PINX1: variants seen among roughly 807,000 people sequenced by gnomAD.
PINX1 encodes the protein PIN2/TERF1-interacting telomerase inhibitor 1.
Under a neutral mutation model 25.4 loss-of-function variants are expected in PINX1, and 34 were observed. The observed-to-expected ratio is 1.34, with a 90% CI of 1.02 to 1.78. PINX1 has a LOEUF of 1.78. Ranked by LOEUF, PINX1 falls within the 40% of genes most tolerant of loss-of-function variation. PINX1 has a pLI of 0.00. For missense variants in PINX1, 592 were observed against 404.9 expected (o/e 1.46, Z -3.97); for synonymous variants, 197 against 147.7 (o/e 1.33, Z -2.42).
At chr8:10,827,814 G>T (rs1051492704) in intron 4 of PINX1, among the ~76,000 whole-genome samples, 1 of 151,326 alleles carries the variant, frequency 6.6e-6, no homozygotes, top group Non-Finnish European at 1.5e-5. Context: ...AGGAGGCTGA[G>T]GCAGGAGAAT....
At chr8:10,815,721 C>G (rs959166201) in intron 6 of PINX1, among the ~76,000 whole-genome samples, 6 of 152,166 alleles carry the variant, frequency 3.9e-5, no homozygotes, top group African/African-American at 1.4e-4. Flanking sequence ...CAAAACTGGT[C>G]ACGATACCAC....
At chr8:10,836,359 A>G (rs1798407208) in intron 1 of PINX1, among the ~76,000 whole-genome samples, 1 of 152,210 alleles carries the variant, frequency 6.6e-6, no homozygotes, top group African/African-American at 2.4e-5. Flanking sequence ...TCAGCATAAC[A>G]CTGCGTCTGC....
At chr8:10,825,717 A>T (rs1798017265) in intron 5 of PINX1, among the ~76,000 whole-genome samples, 1 of 152,228 alleles carries the variant, frequency 6.6e-6, no homozygotes. Context: ...GCTTTATCAC[A>T]CTGGAGGTAT....
intron 4 of PINX1, among the ~76,000 whole-genome samples, chr8:10,827,603 T>C (rs1033828455): frequency 1.3e-5 from 2 of 151,650 alleles, no homozygotes; most frequent in Non-Finnish European, 2.9e-5. Context: ...AGATATGAGG[T>C]TAGAGAAACT....
At chr8:10,793,224 T>G (rs887447591) in intron 6 of PINX1, among the ~76,000 whole-genome samples, 1 of 152,194 alleles carries the variant, frequency 6.6e-6, no homozygotes, top group Admixed American at 6.5e-5. Context: ...TAAACTATTT[T>G]AACAAGCATA....
intron 6 of PINX1, among the ~76,000 whole-genome samples, chr8:10,801,632 G>T (rs1586169621): frequency 6.6e-6 from 1 of 152,304 alleles, no homozygotes; most frequent in East Asian, 1.9e-4. Flanking sequence ...TTTCCAGTGT[G>T]ATCCAAAGTC....
intron 6 of PINX1, among the ~76,000 whole-genome samples, chr8:10,803,821 G>A (rs1802347452): frequency 6.6e-6 from 1 of 152,166 alleles, no homozygotes; most frequent in Non-Finnish European, 1.5e-5. Context: ...TACTATGAAA[G>A]TGAATTTTGT....
chr8:10,835,027 T>C (rs1798357052), intron 1 of PINX1, among the ~76,000 whole-genome samples: 1 of 152,228 alleles, frequency 6.6e-6, no homozygotes, highest in Non-Finnish European at 1.5e-5. Flanking sequence ...CCTCATAATG[T>C]GGCAAAGCAA....
intron 5 of PINX1, among the ~76,000 whole-genome samples, chr8:10,824,742 C>T (rs1447552853): frequency 2.0e-5 from 3 of 152,190 alleles, no homozygotes; most frequent in Non-Finnish European, 4.4e-5. Context: ...AAAGTGAAAG[C>T]GTAAAAGGCT....
intron 6 of PINX1, among the ~76,000 whole-genome samples, chr8:10,775,157 CTT>C (rs1252423282): frequency 9.2e-5 from 14 of 152,150 alleles, no homozygotes; most frequent in African/African-American, 2.7e-4. Context: ...AACCTCTTCT[CTT>C]GTTTTACACA....
At chr8:10,814,303 G>A (rs567038211) in intron 6 of PINX1, among the ~76,000 whole-genome samples, 1 of 152,218 alleles carries the variant, frequency 6.6e-6, no homozygotes, top group Non-Finnish European at 1.5e-5. Context: ...AGTTCGTGAT[G>A]ATCTTTCACC....
In PINX1 at chr8:10,765,462, G is replaced by T; in HGVS notation, c.926C>A (p.Ala309Glu). ...KKKLQKPVEI[A>E]EDATLEETLV... ...CGTTTCTTCTAGTGTAGCGTCCTCT[G>T]CTATCTCTACTGGTTTTTGCAGCTT... is the stretch of plus-strand genomic sequence containing the variant. Residue 309 changes from alanine to glutamate, a missense_variant, in exon 7 of 7, where the codon GCA becomes GAA. Ala to Glu is a moderately radical substitution (Grantham distance 107). Coordinates refer to ENST00000314787, the MANE Select transcript of PINX1 (RefSeq NM_017884.6). 1 of 1,612,922 alleles carries T rather than the reference G, an allele frequency of 6.2e-7. No individual in the cohort carries two copies. Among genetic ancestry groups the T allele is most frequent in the Non-Finnish European group, 8.5e-7 (1 of 1,179,770 alleles).
intron 4 of PINX1, among the ~76,000 whole-genome samples, chr8:10,829,318 A>G (rs1798153956): frequency 6.6e-6 from 1 of 151,518 alleles, no homozygotes; most frequent in Non-Finnish European, 1.5e-5. Flanking sequence ...GAGAGAGAAA[A>G]TAAAACCCTA....
chr8:10,765,413 T>C lies in PINX1; in HGVS notation c.975A>G (p.Lys325=). The change falls in exon 7 of 7, where the codon AAA becomes AAG. Residue 325 remains lysine, a synonymous_variant. Coordinates refer to ENST00000314787, the MANE Select transcript of PINX1 (RefSeq NM_017884.6). ...GGCTGGGAAGGATTCATTTGGAATC[T>C]TTCTTCTTCTTCTTTTTCACTAGCG... The part of the protein sequence containing the change: ...EETLVKKKKK[K]DSK 1.2e-6 allele frequency: 2 copies of C among 1,602,450 alleles called. No homozygotes were observed. The highest frequency in any genetic ancestry group is 1.7e-6 in the Non-Finnish European group (2 of 1,176,564).
chr8:10,836,517 T>C (rs1798411755), intron 1 of PINX1, among the ~76,000 whole-genome samples: 1 of 152,148 alleles, frequency 6.6e-6, no homozygotes, highest in Non-Finnish European at 1.5e-5. Context: ...GAGAATAAGC[T>C]CACGCTCTGC....
chr8:10,792,185 C>A (rs1003752857), intron 6 of PINX1, among the ~76,000 whole-genome samples: 2 of 152,124 alleles, frequency 1.3e-5, no homozygotes, highest in Non-Finnish European at 2.9e-5. Context: ...TGGCCTCGCT[C>A]TCCCTGCACT....
At chr8:10,821,631 CG>C (rs1169186421) in intron 5 of PINX1, among the ~76,000 whole-genome samples, 1 of 152,166 alleles carries the variant, frequency 6.6e-6, no homozygotes, top group African/African-American at 2.4e-5. Context: ...CTGGTTGTAG[CG>C]GGAAGAGGTG....
chr8:10,777,969 G>T (rs937207867), intron 6 of PINX1, among the ~76,000 whole-genome samples: 7 of 152,124 alleles, frequency 4.6e-5, no homozygotes, highest in Non-Finnish European at 8.8e-5. Flanking sequence ...TGCTCACACG[G>T]GATAATCCGC....
intron 6 of PINX1, among the ~76,000 whole-genome samples, chr8:10,799,231 A>G (rs1243024852): frequency 5.3e-5 from 8 of 152,052 alleles, no homozygotes; most frequent in Admixed American, 5.2e-4. Flanking sequence ...TTATAAACAT[A>G]AACTTATGTT....
Sources: gnomAD v4.1 joint callset for allele counts (sites outside exome capture counted in the v4.1 genomes callset) on GRCh38, gnomAD v4.1.1 for gene constraint, MANE v1.5 for transcripts, NCBI Gene and HGNC (gene_info 2026-07-23, HGNC 2026-07-21) for gene names.